Variants in EXOC4 observed in about 807,000 individuals in gnomAD.
EXOC4 encodes the protein SEC8-like 1.
EXOC4 carries 71 observed loss-of-function variants against 107.2 expected under a neutral mutation model. That is an observed-to-expected ratio of 0.66 (90% confidence interval 0.55 to 0.81). The LOEUF (loss-of-function observed/expected upper bound fraction) is 0.81, where lower values mean the gene tolerates loss of function less well. EXOC4 is among the 30% of genes least tolerant of loss of function. EXOC4 has a pLI of 0.00. For synonymous variants in EXOC4, 456 were observed against 441.2 expected, an observed-to-expected ratio of 1.03 and a Z score of -0.42; for missense variants, 1,108 against 1,189.6, an observed-to-expected ratio of 0.93 and a Z score of 1.01.
chr7:133,408,184 G>A (rs1261450885), intron 7 of EXOC4, among the ~76,000 whole-genome samples: 2 of 151,080 alleles, frequency 1.3e-5, no homozygotes, highest in Non-Finnish European at 2.9e-5. Flanking sequence ...TGGAGGTCAT[G>A]TTAGGGTGAT....
chr7:133,502,945 T>C (rs948648969), intron 9 of EXOC4, among the ~76,000 whole-genome samples: 1 of 152,216 alleles, frequency 6.6e-6, no homozygotes, highest in African/African-American at 2.4e-5. Context: ...TCAGTATTTT[T>C]GAATCATCCA....
chr7:133,288,936 G>A lies in EXOC4; in HGVS notation c.291G>A (p.Leu97=). ...RNKIKQVKEN[L]LSCKMLLHCK... ...TTTTATTGTAGGTAAAAGAGAACCT[G>A]CTTTCATGCAAGATGCTGCTGCACT... The change falls in exon 3 of 18, where the codon CTG becomes CTA. Residue 97 remains leucine, a synonymous_variant. Coordinates refer to ENST00000253861, the MANE Select transcript of EXOC4 (RefSeq NM_021807.4). 6.2e-7 allele frequency: 1 copy of A among 1,614,116 alleles called. No individual in the cohort carries two copies. Among genetic ancestry groups the A allele is most frequent in the Non-Finnish European group, 8.5e-7 (1 of 1,179,960 alleles).
chr7:134,018,620 C>T (rs75570227), intron 17 of EXOC4, among the ~76,000 whole-genome samples: 1 of 151,984 alleles, frequency 6.6e-6, no homozygotes, highest in African/African-American at 2.4e-5. Context: ...TTTTTATAAT[C>T]CTTTTTTTTT....
chr7:133,614,434 A>G (rs1802141904), intron 9 of EXOC4, among the ~76,000 whole-genome samples: 1 of 152,078 alleles, frequency 6.6e-6, no homozygotes, highest in African/African-American at 2.4e-5. Context: ...TTAATTGTGC[A>G]ATACTCCTGG....
chr7:133,812,596 TTTTTTCA>T (rs72496418), intron 10 of EXOC4, among the ~76,000 whole-genome samples: 17,640 of 152,114 alleles, frequency 0.12, 1,097 homozygotes, highest in Middle Eastern at 0.15. Flanking sequence ...TGTAACTACT[TTTTTTCA>T]TTTTTCATTT....
chr7:133,513,188 A>G (rs1584969422), intron 9 of EXOC4, among the ~76,000 whole-genome samples: 1 of 152,202 alleles, frequency 6.6e-6, no homozygotes, highest in East Asian at 1.9e-4. Flanking sequence ...TTAAATTTTT[A>G]TATATTTACT....
chr7:134,082,922 C>G, the EXOC4 span, among the ~76,000 whole-genome samples: 1 of 152,226 alleles, frequency 6.6e-6, no homozygotes, highest in African/African-American at 2.4e-5. Context: ...CAAGGTCATG[C>G]AAATGGATGA....
intron 9 of EXOC4, among the ~76,000 whole-genome samples, chr7:133,604,760 G>C (rs999719893): frequency 3.1e-5 from 3 of 97,054 alleles, no homozygotes; most frequent in Non-Finnish European, 5.6e-5. Context: ...GTCTCTCTCT[G>C]TTGCCCAGGC....
chr7:133,321,245 T>A (rs1795104010), intron 5 of EXOC4, among the ~76,000 whole-genome samples: 1 of 152,092 alleles, frequency 6.6e-6, no homozygotes. Context: ...TTTTCACGTG[T>A]CCTATTTTGA....
chr7:133,511,819 C>G (rs1282595494), intron 9 of EXOC4, among the ~76,000 whole-genome samples: 1 of 152,022 alleles, frequency 6.6e-6, no homozygotes, highest in Admixed American at 6.6e-5. Context: ...GTGACATATT[C>G]TGGTTCCCTT....
At chr7:133,270,955 G>C (rs1311527011) in intron 1 of EXOC4, among the ~76,000 whole-genome samples, 1 of 136,076 alleles carries the variant, frequency 7.3e-6, no homozygotes, top group Non-Finnish European at 1.5e-5. Flanking sequence ...GTCTCTCTCT[G>C]TTGCCCAGGC....
At chr7:133,818,135 A>C (rs777537119) in intron 11 of EXOC4, among the ~76,000 whole-genome samples, 5 of 152,236 alleles carry the variant, frequency 3.3e-5, no homozygotes, top group Non-Finnish European at 5.9e-5. Context: ...TTTTTTGATT[A>C]ATAGGCTTGA....
chr7:134,072,404 T>C, the EXOC4 span, among the ~76,000 whole-genome samples: 2 of 152,142 alleles, frequency 1.3e-5, no homozygotes, highest in East Asian at 3.8e-4. Flanking sequence ...GTGGTGATGG[T>C]GTTTTCGAGG....
At chr7:134,076,042 G>A in the EXOC4 span, among the ~76,000 whole-genome samples, 1 of 152,206 alleles carries the variant, frequency 6.6e-6, no homozygotes, top group Non-Finnish European at 1.5e-5. Context: ...ACAACGAAGA[G>A]GCTGATCACA....
chr7:134,018,773 A>G (rs960677607), intron 17 of EXOC4, among the ~76,000 whole-genome samples: 1 of 151,702 alleles, frequency 6.6e-6, no homozygotes, highest in East Asian at 1.9e-4. Flanking sequence ...ACTAGTTACC[A>G]TGATTGTATT....
At chr7:133,928,960 T>C (rs924637690) in intron 13 of EXOC4, among the ~76,000 whole-genome samples, 7 of 125,510 alleles carry the variant, frequency 5.6e-5, no homozygotes, top group African/African-American at 2.2e-4. Flanking sequence ...TGAGACGGAG[T>C]CTCCATCTGT....
At chr7:133,521,851 C>T (rs1007223268) in intron 9 of EXOC4, among the ~76,000 whole-genome samples, 6 of 151,494 alleles carry the variant, frequency 4.0e-5, no homozygotes, top group Non-Finnish European at 5.9e-5. Context: ...GATCTGCTGA[C>T]CTCGTGATCC....
intron 11 of EXOC4, among the ~76,000 whole-genome samples, chr7:133,874,755 CT>C (rs961606240): frequency 1.3e-5 from 2 of 152,218 alleles, no homozygotes; most frequent in South Asian, 4.1e-4. Context: ...TCTAACCAGA[CT>C]TCCTCCTCTG....
chr7:134,054,873 T>A (rs1795886527), intron 17 of EXOC4, among the ~76,000 whole-genome samples: 1 of 152,256 alleles, frequency 6.6e-6, no homozygotes, highest in Admixed American at 6.5e-5. Context: ...TTAAACCTGC[T>A]GGATATTGTT....
Sources: gnomAD v4.1 joint callset for allele counts (sites outside exome capture counted in the v4.1 genomes callset) on GRCh38, gnomAD v4.1.1 for gene constraint, MANE v1.5 for transcripts, NCBI Gene and HGNC (gene_info 2026-07-23, HGNC 2026-07-21) for gene names.